The following MED26 variants were observed in gnomAD, a reference collection of about 807,000 sequenced individuals.
MED26 encodes mediator complex subunit 26.
A neutral mutation model predicts 43.7 loss-of-function variants in MED26; 7 were observed. The observed-to-expected ratio is 0.16, with a 90% CI of 0.09 to 0.30. The LOEUF is 0.30. MED26 is among the 10% of genes least tolerant of loss of function. MED26 has a pLI of 1.00. For missense variants in MED26, 784 were observed against 840.6 expected (o/e 0.93, Z 0.83); for synonymous variants, 375 against 371.1 (o/e 1.01, Z -0.12).
intron 1 of MED26, among the ~76,000 whole-genome samples, chr19:16,620,244 C>T (rs1429045286): frequency 6.6e-6 from 1 of 152,232 alleles, no homozygotes; most frequent in African/African-American, 2.4e-5. Flanking sequence ...CAAGTGCCCA[C>T]TGGCCTCTCA....
chr19:16,616,985 C>A (rs1015887395), intron 1 of MED26, among the ~76,000 whole-genome samples: 5 of 152,136 alleles, frequency 3.3e-5, no homozygotes, highest in African/African-American at 1.2e-4. Context: ...TGCCCAAGGA[C>A]AGCTCATCTT....
intron 1 of MED26, among the ~76,000 whole-genome samples, chr19:16,625,148 C>T (rs903339625): frequency 1.3e-5 from 2 of 152,208 alleles, no homozygotes; most frequent in African/African-American, 4.8e-5. Flanking sequence ...AAAAGAAAAG[C>T]TCCAACTGCT....
At chr19:16,622,284 C>A (rs1425383254) in intron 1 of MED26, among the ~76,000 whole-genome samples, 2 of 152,204 alleles carry the variant, frequency 1.3e-5, no homozygotes, top group African/African-American at 4.8e-5. Flanking sequence ...CACCCAAGCT[C>A]GTTCATGACC....
intron 1 of MED26, among the ~76,000 whole-genome samples, chr19:16,607,915 G>A (rs1431127585): frequency 6.6e-6 from 1 of 152,236 alleles, no homozygotes; most frequent in Non-Finnish European, 1.5e-5. Context: ...AGGGGTGCTA[G>A]ACAGGGCCAA....
At chr19:16,615,262 C>A (rs1298722558) in intron 1 of MED26, among the ~76,000 whole-genome samples, 1 of 152,050 alleles carries the variant, frequency 6.6e-6, no homozygotes, top group Non-Finnish European at 1.5e-5. Flanking sequence ...ACAAAAAGGT[C>A]AGGAGCTGAC....
At chr19:16,622,685 A>T (rs1213449259) in intron 1 of MED26, among the ~76,000 whole-genome samples, 1 of 152,158 alleles carries the variant, frequency 6.6e-6, no homozygotes, top group Non-Finnish European at 1.5e-5. Flanking sequence ...CATTCTGACA[A>T]CCAGCTCCTG....
rs576940707 is a variant in MED26 at position 16,586,093 on chromosome 19, T to G, written c.73-7684A>C. Among the ~76,000 whole-genome samples, 2 of 152,152 alleles carry G rather than the reference T, an allele frequency of 1.3e-5. No individual in the cohort carries two copies. Among genetic ancestry groups the G allele is most frequent in the East Asian group, 3.8e-4 (2 of 5,196 alleles). ...ACCCCGCCTGAGATCCCCAGCCTCTTGGGAATGCAGCTGTGGTAGCAAAGG... is the reference window on the plus strand; with the variant it reads ...ACCCCGCCTGAGATCCCCAGCCTCTGGGGAATGCAGCTGTGGTAGCAAAGG... On this transcript the variant is annotated intron_variant, in intron 1 of 2. Transcript: ENST00000263390. This position sits in a 1 kb window ranked among gnomAD's most constrained non-coding sequence, Gnocchi z 5.1.
intron 1 of MED26, among the ~76,000 whole-genome samples, chr19:16,602,020 C>A (rs1452062501): frequency 6.6e-6 from 1 of 152,168 alleles, no homozygotes; most frequent in African/African-American, 2.4e-5. Context: ...GCCCACCACT[C>A]GGCTGTGTGC....
intron 1 of MED26, among the ~76,000 whole-genome samples, chr19:16,607,713 T>C (rs2086180368): frequency 6.6e-6 from 1 of 151,902 alleles, no homozygotes; most frequent in Non-Finnish European, 1.5e-5. Flanking sequence ...TCGTAAACTT[T>C]CTTAAAACAT....
chr19:16,614,536 T>G (rs1283979207), intron 1 of MED26, among the ~76,000 whole-genome samples: 1 of 112,042 alleles, frequency 8.9e-6, no homozygotes, highest in Admixed American at 9.9e-5. Context: ...CAAAATAAAA[T>G]AAAATAAAAT....
In MED26 at chr19:16,576,737, G is replaced by A. The variant is rs911104502; in HGVS notation, c.1093C>T (p.Pro365Ser). Residue 365 changes from proline (P) to serine (S), a missense_variant, in exon 3 of 3, where the codon CCC (proline) becomes TCC (serine). Physicochemically the swap from Pro to Ser is moderately conservative, Grantham distance 74. Around this residue, in one of 3 missense-constraint regions of MED26, gnomAD observed 719 missense variants for 730.9 expected, o/e 0.98. Transcript: ENST00000263390. The surrounding 1 kb of genome is among the most constrained non-coding windows in gnomAD (Gnocchi z 6.8). ...GCKAGLSPAEPLLSRAGFSPD... is the reference protein window; with the variant it reads ...GCKAGLSPAESLLSRAGFSPD... ...GAAAAGCCTGCCCGGGACAGGAGGGGCTCGGCTGGGGACAGCCCTGCCTTG... is the reference window on the plus strand; with the variant it reads ...GAAAAGCCTGCCCGGGACAGGAGGGACTCGGCTGGGGACAGCCCTGCCTTG... The A allele has an allele frequency of 3.7e-6, 6 of 1,610,318 alleles. No individual in the cohort carries two copies. The highest frequency in any genetic ancestry group is 1.7e-4 in the Middle Eastern group (1 of 6,044).
chr19:16,589,878 G>A (rs1414306209), intron 1 of MED26, among the ~76,000 whole-genome samples: 1 of 152,214 alleles, frequency 6.6e-6, no homozygotes, highest in Non-Finnish European at 1.5e-5. Context: ...AGGAGGGGGA[G>A]GTGTTGGCAA....
intron 1 of MED26, among the ~76,000 whole-genome samples, chr19:16,605,901 T>C (rs1406160964): frequency 6.6e-6 from 1 of 152,196 alleles, no homozygotes; most frequent in Non-Finnish European, 1.5e-5. Flanking sequence ...TGTCTTCCTA[T>C]CGAACTCCTG....
chr19:16,608,537 G>A (rs1210815041), intron 1 of MED26, among the ~76,000 whole-genome samples: 3 of 152,222 alleles, frequency 2.0e-5, no homozygotes, highest in African/African-American at 7.2e-5. Context: ...ATCAGGGCTT[G>A]ATTTTATGGG....
At position 16,577,207 on chromosome 19, in the gene MED26, C is replaced by G. The variant is rs139271259; in HGVS notation, c.623G>C (p.Arg208Pro). ...GSGHAGPEGS[R>P]LERDENDKHS... Reference sequence around the variant, plus strand: ...CTTGTCATTCTCGTCACGCTCCAGGCGGCTGCCCTCTGGGCCTGCATGCCC... The same window carrying G: ...CTTGTCATTCTCGTCACGCTCCAGGGGGCTGCCCTCTGGGCCTGCATGCCC... Residue 208 changes from arginine to proline, a missense_variant, in exon 3 of 3, where the codon CGC (arginine) becomes CCC (proline). By Grantham distance (103) the Arg-to-Pro change is moderately radical. This residue lies in a region of MED26 where 719 missense variants were observed against 730.9 expected (regional missense o/e 0.98). Transcript: ENST00000263390. The surrounding 1 kb of genome is among the most constrained non-coding windows in gnomAD (Gnocchi z 8.1). 2 of 1,613,142 alleles carry G rather than the reference C, an allele frequency of 1.2e-6. No individual in the cohort carries two copies. The highest frequency in any genetic ancestry group is 1.3e-5 in the African/African-American group (1 of 74,918).
chr19:16,590,732 A>G (rs941584410), intron 1 of MED26, among the ~76,000 whole-genome samples: 26 of 152,186 alleles, frequency 1.7e-4, no homozygotes, highest in African/African-American at 5.5e-4. Context: ...TTGTATGTCA[A>G]TTATATCTCA....
At chr19:16,602,626 A>G (rs2086155062) in intron 1 of MED26, among the ~76,000 whole-genome samples, 1 of 152,242 alleles carries the variant, frequency 6.6e-6, no homozygotes, top group Non-Finnish European at 1.5e-5. Flanking sequence ...TGAATAAGCC[A>G]AGTGTGATAT....
chr19:16,604,868 A>G (rs1599342318), intron 1 of MED26, among the ~76,000 whole-genome samples: 1 of 152,194 alleles, frequency 6.6e-6, no homozygotes, highest in Non-Finnish European at 1.5e-5. Context: ...GGGGACCACA[A>G]AAATATGTGT....
intron 1 of MED26, among the ~76,000 whole-genome samples, chr19:16,622,534 C>T (rs1184931757): frequency 6.6e-6 from 1 of 152,202 alleles, no homozygotes; most frequent in African/African-American, 2.4e-5. Flanking sequence ...TTCAGGGAAT[C>T]CCGATGGCAA....
Sources: allele counts gnomAD v4.1 joint callset (sites outside exome capture counted in the v4.1 genomes callset), GRCh38; gene constraint gnomAD v4.1.1; regional missense constraint gnomAD v4.1.1; non-coding constraint Gnocchi (gnomAD v3.1); transcripts MANE v1.5; gene names NCBI Gene and HGNC (gene_info 2026-07-23, HGNC 2026-07-21).